The following MOV10 variants were observed in gnomAD, a reference collection of about 807,000 sequenced individuals.
The protein encoded by MOV10 is RNA helicase MOV-10.
Under a neutral mutation model 108.4 loss-of-function variants are expected in MOV10, and 39 were observed. The observed-to-expected ratio is 0.36, with a 90% CI of 0.28 to 0.47. MOV10 has a LOEUF of 0.47. MOV10 is among the 20% of genes least tolerant of loss of function. The pLI, the probability that MOV10 is intolerant of heterozygous loss-of-function variation, is 1.00. For synonymous variants in MOV10, 490 were observed against 523.1 expected (o/e 0.94, Z 0.86); for missense variants, 952 against 1,297.6 (o/e 0.73, Z 4.09).
intron 14 of MOV10, among the ~76,000 whole-genome samples, chr1:112,697,426 C>T (rs773049359): frequency 5.9e-5 from 9 of 152,038 alleles, no homozygotes; most frequent in Admixed American, 1.3e-4. Context: ...GCTGAGATCG[C>T]GCTACTGCAG....
Position 112,689,536 on chromosome 1 carries a change from C to A in MOV10, c.463C>A (p.Leu155Ile). Residue 155 changes from leucine (L) to isoleucine (I), a missense_variant, in exon 4 of 21, where the codon CTT becomes ATT. Coordinates refer to ENST00000369645, the MANE Select transcript of MOV10 (RefSeq NM_001321324.2). ...CCGCAAAGAGGTGCTGACCCTGAGG[C>A]TTCGGAATGGCGGAACCCAGTCTGT... ...LNRKEVLTLR[L>I]RNGGTQSVTL... The A allele has an allele frequency of 6.2e-7, 1 of 1,614,206 alleles. No individual in the cohort carries two copies. The highest frequency in any genetic ancestry group is 1.1e-5 in the South Asian group (1 of 91,082).
chr1:112,675,032 C>T lies in MOV10; in HGVS notation c.120C>T (p.Asn40=). Residue 40 remains asparagine, a synonymous_variant, in exon 2 of 21, where the codon AAC becomes AAT. Coordinates refer to ENST00000369645, the MANE Select transcript of MOV10 (RefSeq NM_001321324.2). The surrounding 1 kb of genome is among the most constrained non-coding windows in gnomAD (Gnocchi z 4.7). ...TDRERLRTIY[N]RDFKISFGTP... The stretch of plus-strand genomic sequence containing the variant: ...GCGAGCGGCTGCGGACCATTTATAA[C>T]CGCGACTTCAAGATCAGGTACGGGC... 1.3e-6 allele frequency: 2 copies of T among 1,594,230 alleles called. No individual in the cohort carries two copies. The highest frequency in any genetic ancestry group is 8.5e-7 in the Non-Finnish European group (1 of 1,170,842).
intron 11 of MOV10, 134 bp downstream of exon 11, chr1:112,695,708 C>A: frequency 1.0e-6 from 1 of 968,300 alleles, no homozygotes; most frequent in Non-Finnish European, 1.5e-6. Context: ...AGGACCCCTC[C>A]CTGGGCCTCA....
At chr1:112,688,842 C>A in intron 2 of MOV10, 93 bp from the exon 3 acceptor site, 1 of 1,581,532 alleles carries the variant, frequency 6.3e-7, no homozygotes, top group Non-Finnish European at 8.6e-7. Context: ...GTGTCCAGCA[C>A]AGAGTGACCC....
At chr1:112,697,964 G>A (rs1372334326) in intron 14 of MOV10, 30 bp from the exon 15 acceptor site, 1 of 1,580,340 alleles carries the variant, frequency 6.3e-7, no homozygotes, top group African/African-American at 1.3e-5. Context: ...TCTGACCCTT[G>A]GTCTTGCTTT....
At chr1:112,684,271 T>C (rs1408402370) in intron 2 of MOV10, among the ~76,000 whole-genome samples, 1 of 146,106 alleles carries the variant, frequency 6.8e-6, no homozygotes, top group Non-Finnish European at 1.5e-5. Context: ...GATTTTTTTT[T>C]TTTTTTTTTT....
At chr1:112,687,215 T>C (rs1281913746) in intron 2 of MOV10, 1 of 332,410 alleles carries the variant, frequency 3.0e-6, no homozygotes, top group Non-Finnish European at 5.9e-6. Flanking sequence ...TCTATTATGC[T>C]TTTGAATGAT....
chr1:112,681,661 A>G (rs576915531), intron 2 of MOV10, among the ~76,000 whole-genome samples: 1 of 152,202 alleles, frequency 6.6e-6, no homozygotes, highest in African/African-American at 2.4e-5. Flanking sequence ...ATCTACAGTG[A>G]ACATCCACAT....
chr1:112,691,619 T>A (rs3013432), intron 5 of MOV10, 46 bp from the exon 6 acceptor site: 2 of 1,601,278 alleles, frequency 1.2e-6, no homozygotes, highest in Admixed American at 3.4e-5. Flanking sequence ...TCTCAGAGTG[T>A]TGGAGGGTGA....
intron 2 of MOV10, among the ~76,000 whole-genome samples, chr1:112,684,526 C>T (rs1378881107): frequency 6.6e-6 from 1 of 152,184 alleles, no homozygotes; most frequent in Non-Finnish European, 1.5e-5. Flanking sequence ...CCTCAGCCTC[C>T]CAAAGTGCTG....
At chr1:112,686,881 C>T in intron 2 of MOV10, 1 of 455,238 alleles carries the variant, frequency 2.2e-6, no homozygotes, top group Non-Finnish European at 4.4e-6. Context: ...TTCTGTATCT[C>T]TACCCACTGC....
At chr1:112,689,762 G>A in intron 4 of MOV10, 78 bp from the exon 5 acceptor site, 2 of 1,585,032 alleles carry the variant, frequency 1.3e-6, no homozygotes, top group Non-Finnish European at 1.7e-6. Context: ...TTGGGATGGG[G>A]CTTCCTGGGG....
Position 112,700,414 on chromosome 1 carries a change from AG to A in MOV10, c.2922del. 1 of 1,613,380 alleles carries A rather than the reference AG, an allele frequency of 6.2e-7. No individual in the cohort carries two copies. Among genetic ancestry groups the A allele is most frequent in the Non-Finnish European group, 8.5e-7 (1 of 1,179,646 alleles). On this transcript the variant is annotated splice_acceptor_variant, in intron 20 of 20. Transcript: ENST00000369645. LOFTEE classifies it high-confidence loss of function. Reference sequence around the variant, plus strand: ...GACACAGTGTACTTTCTCTCTTTCCAGGGCCCCACAGCCATGACTACCTCCC... The same window carrying A: ...GACACAGTGTACTTTCTCTCTTTCCAGGCCCCACAGCCATGACTACCTCCC...
Position 112,696,192 on chromosome 1 carries a change from C to T in MOV10, c.1824C>T (p.Pro608=), listed in dbSNP as rs369052873. 5.2e-5 allele frequency: 84 copies of T among 1,613,862 alleles called. No homozygotes were observed. The highest frequency in any genetic ancestry group is 6.5e-5 in the Non-Finnish European group (77 of 1,179,964). ...WDAKKGEYVF[P]AKKKLQEYRV... Reference sequence around the variant, plus strand: ...CAAAGAAGGGGGAGTATGTATTTCCCGCCAAGAAGAAGCTGCAGGAATACC... The same window carrying T: ...CAAAGAAGGGGGAGTATGTATTTCCTGCCAAGAAGAAGCTGCAGGAATACC... The change falls in exon 12 of 21, where the codon CCC becomes CCT. Residue 608 remains proline, a synonymous_variant. Transcript: ENST00000369645.
chr1:112,694,378 G>A lies in MOV10; in HGVS notation c.1296-75G>A, dbSNP rs1673865672. The A allele has an allele frequency of 6.3e-7, 1 of 1,575,456 alleles. No individual in the cohort carries two copies. Among genetic ancestry groups the A allele is most frequent in the Non-Finnish European group, 8.7e-7 (1 of 1,149,174 alleles). Reference sequence around the variant, plus strand: ...GAAAGAGGGGTTGGGACACTGGTTGGTGGAGAAAGTTCTGGCCCTTTATTG... The same window carrying A: ...GAAAGAGGGGTTGGGACACTGGTTGATGGAGAAAGTTCTGGCCCTTTATTG... On this transcript the variant is annotated intron_variant, in intron 8 of 20. Transcript: ENST00000369645. This position sits in a 1 kb window ranked among gnomAD's most constrained non-coding sequence, Gnocchi z 4.1.
chr1:112,700,163 G>A, intron 19 of MOV10, 56 bp from the exon 20 acceptor site: 1 of 1,612,630 alleles, frequency 6.2e-7, no homozygotes. Context: ...AGCTCAGATG[G>A]GACAGGACCG....
intron 2 of MOV10, among the ~76,000 whole-genome samples, chr1:112,684,583 A>C (rs1219850955): frequency 2.0e-5 from 3 of 152,138 alleles, no homozygotes; most frequent in African/African-American, 7.2e-5. Flanking sequence ...CTGGGTTTTA[A>C]AGGATACCTG....
Position 112,698,270 on chromosome 1 carries a change from C to G in MOV10, c.2317-17C>G, listed in dbSNP as rs745620784. 1.2e-6 allele frequency: 2 copies of G among 1,609,116 alleles called. No individual in the cohort carries two copies. Among genetic ancestry groups the G allele is most frequent in the Non-Finnish European group, 1.7e-6 (2 of 1,176,692 alleles). The stretch of plus-strand genomic sequence containing the variant: ...GAGGGTGGTCTGGCTGACGGTTTCC[C>G]CCGACCCCATGTCCAGGGCTTTCCC... On this transcript the variant is annotated splice_polypyrimidine_tract_variant and intron_variant, in intron 15 of 20. Coordinates refer to ENST00000369645, the MANE Select transcript of MOV10 (RefSeq NM_001321324.2).
intron 2 of MOV10, chr1:112,685,210 G>C (rs1362960500): frequency 1.9e-5 from 2 of 105,818 alleles, no homozygotes; most frequent in African/African-American, 7.1e-5. Context: ...TTTCACTATT[G>C]CCCAGGCTGG....
Sources: gnomAD v4.1 joint callset for allele counts (sites outside exome capture counted in the v4.1 genomes callset) on GRCh38, gnomAD v4.1.1 for gene constraint, Gnocchi (gnomAD v3.1) non-coding constraint, MANE v1.5 for transcripts, NCBI Gene and HGNC (gene_info 2026-07-23, HGNC 2026-07-21) for gene names.